The following ATAD2 variants were observed in gnomAD, a reference collection of about 807,000 sequenced individuals.
ATAD2 encodes ATPase family AAA domain containing 2, also known as ATPase family AAA domain-containing protein 2.
ATAD2 carries 62 observed loss-of-function variants against 168.9 expected under a neutral mutation model. The ratio of observed to expected loss-of-function variants is 0.37; its 90% CI spans 0.30 to 0.45. The LOEUF is 0.45. ATAD2 is among the 20% of genes least tolerant of loss of function. The probability of loss-of-function intolerance (pLI) is 1.00; values close to 1 mark genes in which losing one functional copy is unlikely to be tolerated. For missense variants in ATAD2, 1,419 were observed against 1,667.8 expected (o/e 0.85, Z 2.60); for synonymous variants, 613 against 571.6 (o/e 1.07, Z -1.03).
At chr8:123,333,833 G>T (rs1026845218) in intron 24 of ATAD2, 45 bp downstream of exon 24, 8 of 1,537,212 alleles carry the variant, frequency 5.2e-6, no homozygotes, top group African/African-American at 2.8e-5. Flanking sequence ...CATTAGAAAA[G>T]AATAAAGTTA....
In ATAD2 at chr8:123,380,615, T is replaced by C; in HGVS notation, c.234A>G (p.Arg78=). ...AATCTGAAGAATTCTGTGCATCTTTTCTCAAAGATCTTAAAGCACGTGTCC... is the reference window on the plus strand; with the variant it reads ...AATCTGAAGAATTCTGTGCATCTTTCCTCAAAGATCTTAAAGCACGTGTCC... ...YHRTRALRSL[R]KDAQNSSDSS... Residue 78 remains arginine, a synonymous_variant, in exon 2 of 28, where the codon AGA becomes AGG. Transcript: ENST00000287394. 1 of 1,614,060 alleles carries C rather than the reference T, an allele frequency of 6.2e-7. No individual in the cohort carries two copies. Among genetic ancestry groups the C allele is most frequent in the Non-Finnish European group, 8.5e-7 (1 of 1,179,940 alleles).
Position 123,348,770 on chromosome 8 carries a change from C to T in ATAD2, c.1807-497G>A, listed in dbSNP as rs75150967. ...TTAAGAGTTTAATGAACTTAAGTCT[C>T]ATTATTAAACATATTTGCATTTATA... is the stretch of plus-strand genomic sequence containing the variant. On this transcript the variant is annotated intron_variant, in intron 14 of 27. Transcript: ENST00000287394. Among the ~76,000 whole-genome samples, 1,208 of 152,214 alleles carry T rather than the reference C, an allele frequency of 7.9e-3. 20 individuals are homozygous for T. The highest frequency in any genetic ancestry group is 0.028 in the African/African-American group (1,148 of 41,526).
At chr8:123,367,396 G>A (rs757645689) in intron 8 of ATAD2, among the ~76,000 whole-genome samples, 1 of 152,144 alleles carries the variant, frequency 6.6e-6, no homozygotes, top group Non-Finnish European at 1.5e-5. Flanking sequence ...CAGCCTGGGC[G>A]AGAGAGTGAG....
rs1179813598 is a variant in ATAD2, at chr8:123,345,075, A to G, written c.2533-6T>C. The stretch of plus-strand genomic sequence containing the variant: ...CTCTTAGCTTCACGAATCACCTAGT[A>G]GAGAGAGAACAAAACAAATTCAGTT... On this transcript the variant is annotated splice_polypyrimidine_tract_variant and splice_region_variant and intron_variant, in intron 18 of 27. Transcript: ENST00000287394. 6.3e-7 allele frequency: 1 copy of G among 1,592,130 alleles called. No homozygotes were observed. Among genetic ancestry groups the G allele is most frequent in the Non-Finnish European group, 8.6e-7 (1 of 1,166,912 alleles).
chr8:123,362,762 CA>C (rs1187018349), intron 8 of ATAD2, among the ~76,000 whole-genome samples: 2 of 151,980 alleles, frequency 1.3e-5, no homozygotes, highest in Non-Finnish European at 2.9e-5. Flanking sequence ...TTTATGTAAA[CA>C]AAAGGGCATC....
chr8:123,365,277 A>G (rs761642320), intron 8 of ATAD2, among the ~76,000 whole-genome samples: 5 of 152,226 alleles, frequency 3.3e-5, no homozygotes, highest in Non-Finnish European at 5.9e-5. Context: ...AAGAAATAAC[A>G]GATGACACAA....
At chr8:123,325,104 T>C (rs1827575053) in intron 26 of ATAD2, among the ~76,000 whole-genome samples, 1 of 145,832 alleles carries the variant, frequency 6.9e-6, no homozygotes, top group Admixed American at 6.8e-5. Context: ...TAATTCTTTT[T>C]TTTTTTTTTT....
At chr8:123,333,771 G>A in intron 24 of ATAD2, 107 bp downstream of exon 24, 2 of 1,225,626 alleles carry the variant, frequency 1.6e-6, no homozygotes, top group East Asian at 2.6e-5. Flanking sequence ...CAAAATCAAT[G>A]TAATTCACTG....
At chr8:123,382,009 G>A (rs1035015076) in intron 1 of ATAD2, among the ~76,000 whole-genome samples, 11 of 152,124 alleles carry the variant, frequency 7.2e-5, no homozygotes, top group Admixed American at 7.2e-4. Context: ...TCGTGCCACT[G>A]CACTCCAGCC....
At chr8:123,415,500 T>C (rs1319518163) in intron 1 of ATAD2, among the ~76,000 whole-genome samples, 3 of 152,326 alleles carry the variant, frequency 2.0e-5, no homozygotes, top group Admixed American at 2.0e-4. Flanking sequence ...CTAGCTATGC[T>C]CATTGCAAAT....
intron 9 of ATAD2, among the ~76,000 whole-genome samples, chr8:123,361,185 T>C (rs1184534048): frequency 6.6e-6 from 1 of 151,712 alleles, no homozygotes; most frequent in Admixed American, 6.6e-5. Context: ...GGTGTGGTGA[T>C]GCACACCTGT....
intron 21 of ATAD2, among the ~76,000 whole-genome samples, 200 bp from the exon 22 acceptor site, chr8:123,336,732 C>A (rs1170511760): frequency 6.9e-6 from 1 of 145,262 alleles, no homozygotes; most frequent in South Asian, 2.1e-4. Flanking sequence ...GCTGTATCCT[C>A]CAGTAATTGT....
At chr8:123,372,749 G>T in intron 2 of ATAD2, 63 bp from the exon 3 acceptor site, 1 of 1,355,480 alleles carries the variant, frequency 7.4e-7, no homozygotes, top group Non-Finnish European at 1.0e-6. Context: ...TATTTATTTA[G>T]ATGGGATTGC....
intron 6 of ATAD2, 35 bp downstream of exon 6, chr8:123,370,868 C>T: frequency 6.7e-7 from 1 of 1,491,338 alleles, no homozygotes; most frequent in Non-Finnish European, 9.1e-7. Flanking sequence ...TTCTTAAATT[C>T]AATCCCAGAA....
chr8:123,351,271 T>G (rs1227595963), intron 13 of ATAD2, among the ~76,000 whole-genome samples: 2 of 152,094 alleles, frequency 1.3e-5, no homozygotes, highest in Non-Finnish European at 2.9e-5. Flanking sequence ...TGATAATTAT[T>G]GTTTAGATAA....
Position 123,376,176 on chromosome 8 carries a change from C to T in ATAD2, c.321-3490G>A, listed in dbSNP as rs180869980. Among the ~76,000 whole-genome samples, 42 of 151,644 alleles carry T rather than the reference C, an allele frequency of 2.8e-4. No homozygotes were observed. The East Asian group carries it at 6.8e-3, about 25-fold the overall frequency. On this transcript the variant is annotated intron_variant, in intron 2 of 27. Transcript: ENST00000287394. The stretch of plus-strand genomic sequence containing the variant: ...ATCCCAACACTTTGGGAGGCCTAGA[C>T]GGGCAGATTGCCTGAGGTCAGGAGT...
intron 27 of ATAD2, among the ~76,000 whole-genome samples, 192 bp from the exon 28 acceptor site, chr8:123,321,367 A>C (rs555848252): frequency 2.6e-5 from 4 of 151,844 alleles, no homozygotes; most frequent in Admixed American, 1.3e-4. Flanking sequence ...CATTATTTAA[A>C]TAACTTTGAA....
intron 1 of ATAD2, among the ~76,000 whole-genome samples, chr8:123,392,656 A>T (rs971393513): frequency 6.6e-6 from 1 of 152,088 alleles, no homozygotes. Flanking sequence ...GGTCATGCAG[A>T]TATCAAGGGG....
intron 1 of ATAD2, among the ~76,000 whole-genome samples, chr8:123,391,521 G>A (rs1829826591): frequency 8.4e-6 from 1 of 118,424 alleles, no homozygotes; most frequent in Non-Finnish European, 1.7e-5. Context: ...AGGTCAGCCT[G>A]AGATTAGACT....
Sources: allele counts gnomAD v4.1 joint callset (sites outside exome capture counted in the v4.1 genomes callset), GRCh38; gene constraint gnomAD v4.1.1; transcripts MANE v1.5; gene names NCBI Gene and HGNC (gene_info 2026-07-23, HGNC 2026-07-21).